Variants in SLC26A9 observed in about 807,000 individuals in gnomAD.
SLC26A9 encodes the protein anion transporter/exchanger protein 9.
In SLC26A9, 46 loss-of-function variants were observed where a neutral mutation model predicts 87.1. The ratio of observed to expected loss-of-function variants is 0.53; its 90% CI spans 0.42 to 0.67. The LOEUF is 0.67. Ranked by LOEUF, SLC26A9 falls within the 30% of genes least tolerant of loss-of-function variation. SLC26A9 has a pLI of 0.00. For missense variants in SLC26A9, 927 were observed against 1,018.3 expected (o/e 0.91, Z 1.22); for synonymous variants, 437 against 409.1 (o/e 1.07, Z -0.82).
Position 205,929,027 on chromosome 1 carries a change from G to T in SLC26A9, c.871-118C>A, listed in dbSNP as rs1659197360. Reference sequence around the variant, plus strand: ...AATCCCACTCCCCTGCCTCCTTAGGGGGAATTATTAGAGCAGTAGAAAGAG... The same window carrying T: ...AATCCCACTCCCCTGCCTCCTTAGGTGGAATTATTAGAGCAGTAGAAAGAG... On this transcript the variant is annotated intron_variant, in intron 7 of 20. Coordinates refer to ENST00000367135, the MANE Select transcript of SLC26A9 (RefSeq NM_052934.4). 1.1e-5 allele frequency: 16 copies of T among 1,471,408 alleles called. No individual in the cohort carries two copies. In the South Asian group the frequency reaches 1.8e-4, roughly 16 times the overall value. The allele number at this position is 1,471,408 out of a possible 1,614,324, so 91.1% of individuals were successfully genotyped here. A position where few individuals can be genotyped will look rare whatever the true frequency, so the allele number is the denominator to read the frequency against.
At chr1:205,941,546 A>G (rs1251433324) in intron 1 of SLC26A9, among the ~76,000 whole-genome samples, 1 of 151,302 alleles carries the variant, frequency 6.6e-6, no homozygotes, top group Non-Finnish European at 1.5e-5. Flanking sequence ...CCTACTCCTC[A>G]CCCCAGCCTA....
In SLC26A9 at chr1:205,924,359, AG is replaced by A. The variant is rs748757027; in HGVS notation, c.1496+23del. ...GGCCCAGGGAACCGACTGTGGGCCT[AG>A]GAGGGCGGAAGCTATCACTTACAAC... On this transcript the variant is annotated intron_variant, in intron 13 of 20. Transcript: ENST00000367135. The A allele has an allele frequency of 1.9e-6, 3 of 1,609,712 alleles. No homozygotes were observed. In the African/African-American group the frequency reaches 4.0e-5, roughly 22 times the overall value.
intron 3 of SLC26A9, 56 bp downstream of exon 3, chr1:205,932,889 G>A (rs1319733223): frequency 1.2e-6 from 2 of 1,609,012 alleles, no homozygotes; most frequent in Non-Finnish European, 1.7e-6. Context: ...GTGGGGATGA[G>A]GAGAGGAATG....
chr1:205,921,838 GGGA>G lies in SLC26A9; in HGVS notation c.1780_1782del (p.Ser594del). 1 of 1,605,916 alleles carries G rather than the reference GGGA, an allele frequency of 6.2e-7. No individual in the cohort carries two copies. The highest frequency in any genetic ancestry group is 8.5e-7 in the Non-Finnish European group (1 of 1,177,524). Reference sequence around the variant, plus strand: ...TCAAAGTCCTGCTGCAGCTCCTGCAGGGAGACAGTCTGGAAGGGTGGGGACAGT... The same window carrying G: ...TCAAAGTCCTGCTGCAGCTCCTGCAGGACAGTCTGGAAGGGTGGGGACAGT... On this transcript the variant is annotated inframe_deletion, in exon 17 of 21. Coordinates refer to ENST00000367135, the MANE Select transcript of SLC26A9 (RefSeq NM_052934.4).
intron 1 of SLC26A9, among the ~76,000 whole-genome samples, chr1:205,940,529 A>C (rs913425721): frequency 6.6e-6 from 1 of 152,182 alleles, no homozygotes; most frequent in Non-Finnish European, 1.5e-5. Context: ...CATTACTGCT[A>C]TGACTCCAGA....
At chr1:205,928,475 G>C (rs770549211) in intron 8 of SLC26A9, 3 of 409,210 alleles carry the variant, frequency 7.3e-6, no homozygotes, top group Non-Finnish European at 1.3e-5. Flanking sequence ...GATGCTTCAT[G>C]AATCTGGTTG....
rs202228683 is a variant in SLC26A9 at position 205,935,760 on chromosome 1, C to T, written c.61G>A (p.Asp21Asn). 691 of 1,613,918 alleles carry T rather than the reference C, an allele frequency of 4.3e-4. 4 individuals are homozygous for T. The highest frequency in any genetic ancestry group is 1.6e-4 in the Non-Finnish European group (190 of 1,179,978). ...DRAAYSLTLF[D>N]DEFEKKDRTY... Reference sequence around the variant, plus strand: ...CGGTCCTTCTTCTCAAACTCATCGTCGAAGAGGGTAAGGGAGTATGCGGCT... The same window carrying T: ...CGGTCCTTCTTCTCAAACTCATCGTTGAAGAGGGTAAGGGAGTATGCGGCT... The change falls in exon 2 of 21, where the codon GAC becomes AAC. Residue 21 changes from aspartate to asparagine, a missense_variant. Transcript: ENST00000367135.
At chr1:205,927,053 T>C (rs1254270823) in intron 11 of SLC26A9, among the ~76,000 whole-genome samples, 158 bp downstream of exon 11, 1 of 152,138 alleles carries the variant, frequency 6.6e-6, no homozygotes, top group East Asian at 1.9e-4. Flanking sequence ...ACCTGTAAAA[T>C]GGGGAGGATA....
chr1:205,933,701 G>C (rs1259518664), intron 2 of SLC26A9, among the ~76,000 whole-genome samples: 3 of 152,166 alleles, frequency 2.0e-5, no homozygotes, highest in Non-Finnish European at 4.4e-5. Context: ...TGAAAAGGAA[G>C]GCTCTATTGT....
Position 205,929,355 on chromosome 1 carries a change from G to T in SLC26A9, c.719C>A (p.Thr240Asn), listed in dbSNP as rs762572532. Residue 240 changes from threonine (T) to asparagine (N), a missense_variant and splice_region_variant, in exon 7 of 21, where the codon ACC (threonine) becomes AAC (asparagine). Thr to Asn is a moderately conservative substitution (Grantham distance 65). Coordinates refer to ENST00000367135, the MANE Select transcript of SLC26A9 (RefSeq NM_052934.4). ...GAGGTTTTTGCAAATGTCAATGAAGGTCTGGGGGAAAGAGCATCATGCTCA... is the reference window on the plus strand; with the variant it reads ...GAGGTTTTTGCAAATGTCAATGAAGTTCTGGGGGAAAGAGCATCATGCTCA... ...SYTGPGSIVF[T>N]FIDICKNLPH... is the part of the protein sequence containing the mutation. 1.2e-6 allele frequency: 2 copies of T among 1,613,830 alleles called. No homozygotes were observed. The highest frequency in any genetic ancestry group is 1.7e-6 in the Non-Finnish European group (2 of 1,179,796).
At position 205,921,986 on chromosome 1, in the gene SLC26A9, C is replaced by G. The variant is rs1199121150; in HGVS notation, c.1774-139G>C. ...TGATGGTGAACACAGACCCTGAAAG[C>G]TCCACCAGAGAGGCCTCTCCCAAAG... On this transcript the variant is annotated intron_variant, in intron 16 of 20. Transcript: ENST00000367135. 2.5e-6 allele frequency: 3 copies of G among 1,184,680 alleles called. No homozygotes were observed. The African/African-American group carries it at 4.6e-5, about 18-fold the overall frequency. 73.4% of individuals were successfully genotyped at this position (1,184,680 alleles called of 1,614,324 possible).
Position 205,921,684 on chromosome 1 carries a change from G to T in SLC26A9, c.1937C>A (p.Pro646His). The T allele has an allele frequency of 6.3e-7, 1 of 1,597,100 alleles. No homozygotes were observed. Among genetic ancestry groups the T allele is most frequent in the Non-Finnish European group, 8.5e-7 (1 of 1,172,056 alleles). ...GGCCAGCATGTCACTGGGCTCGCCG[G>T]GGGCCTCAGCGGAGGCTGGTGGCTC... The part of the protein sequence containing the change: ...QSEPPASAEA[P>H]GEPSDMLASV... The change falls in exon 17 of 21, where the codon CCC becomes CAC. Residue 646 changes from proline to histidine, a missense_variant. Coordinates refer to ENST00000367135, the MANE Select transcript of SLC26A9 (RefSeq NM_052934.4).
Position 205,929,922 on chromosome 1 carries a change from G to A in SLC26A9, c.687C>T (p.Pro229=). The A allele has an allele frequency of 6.2e-7, 1 of 1,611,064 alleles. No homozygotes were observed. The highest frequency in any genetic ancestry group is 2.2e-5 in the East Asian group (1 of 44,770). Residue 229 remains proline, a synonymous_variant, in exon 6 of 21, where the codon CCC becomes CCT. Transcript: ENST00000367135. ...CGATGGACCCTGGGCCTGTGTAGGA[G>A]GGGATGGTCAGTCCGAAGATGTACT... is the stretch of plus-strand genomic sequence containing the variant. ...VLKYIFGLTI[P]SYTGPGSIVF... is the part of the protein sequence containing the mutation.
intron 1 of SLC26A9, among the ~76,000 whole-genome samples, chr1:205,938,469 G>T (rs972762963): frequency 2.0e-5 from 3 of 152,066 alleles, no homozygotes; most frequent in Non-Finnish European, 4.4e-5. Flanking sequence ...TTTCCAGGAG[G>T]ATGAGGCCCA....
At chr1:205,929,171 C>T (rs1659204058) in intron 7 of SLC26A9, 33 bp downstream of exon 7, 1 of 1,596,918 alleles carries the variant, frequency 6.3e-7, no homozygotes, top group South Asian at 1.1e-5. Flanking sequence ...CAGCCTGGCC[C>T]CCCAACATCC....
chr1:205,941,261 T>G (rs1237286183), intron 1 of SLC26A9, among the ~76,000 whole-genome samples: 1 of 152,132 alleles, frequency 6.6e-6, no homozygotes, highest in Non-Finnish European at 1.5e-5. Flanking sequence ...GTGCACTTCC[T>G]GGGTTCAAGC....
In SLC26A9 at chr1:205,913,807, C is replaced by G. The variant is rs1199783786; in HGVS notation, c.*1550G>C. 6.6e-6 allele frequency: 1 copy of G among 152,540 alleles called. No individual in the cohort carries two copies. Among genetic ancestry groups the G allele is most frequent in the Non-Finnish European group, 1.5e-5 (1 of 68,034 alleles). The allele number at this position is 152,540 out of a possible 1,614,324, so 9.4% of individuals were successfully genotyped here. A position where few individuals can be genotyped will look rare whatever the true frequency, so the allele number is the denominator to read the frequency against. ...ATGTGTTGGCTCTTGGCCAGCACCC[C>G]CTCCTTTAACTCTAAGAAGACTTGT... On this transcript the variant is annotated 3_prime_UTR_variant, in exon 21 of 21. Coordinates refer to ENST00000367135, the MANE Select transcript of SLC26A9 (RefSeq NM_052934.4).
At chr1:205,918,164 A>C (rs1658673506) in intron 19 of SLC26A9, among the ~76,000 whole-genome samples, 1 of 152,158 alleles carries the variant, frequency 6.6e-6, no homozygotes, top group African/African-American at 2.4e-5. Context: ...GGGGCACAAC[A>C]AGAGTCTTGG....
intron 18 of SLC26A9, 87 bp from the exon 19 acceptor site, chr1:205,919,072 G>T: frequency 6.5e-7 from 1 of 1,535,704 alleles, no homozygotes; most frequent in South Asian, 1.2e-5. Context: ...ACCAGAGCAG[G>T]GATGGGAGAG....
Sources: allele counts gnomAD v4.1 joint callset (sites outside exome capture counted in the v4.1 genomes callset), GRCh38; gene constraint gnomAD v4.1.1; transcripts MANE v1.5; gene names NCBI Gene and HGNC (gene_info 2026-07-23, HGNC 2026-07-21).